Variants in SYN3 observed in about 807,000 individuals in gnomAD.
SYN3 encodes synapsin III, also known as synapsin-3.
SYN3 carries 35 observed loss-of-function variants against 65.8 expected under a neutral mutation model. The ratio of observed to expected loss-of-function variants is 0.53; its 90% CI spans 0.41 to 0.70. SYN3 has a LOEUF of 0.70. Ranked by LOEUF, SYN3 falls within the 30% of genes least tolerant of loss-of-function variation. The pLI, the probability that SYN3 is intolerant of heterozygous loss-of-function variation, is 0.00. For missense variants in SYN3, 680 were observed against 749.0 expected, an observed-to-expected ratio of 0.91 and a Z score of 1.08; for synonymous variants, 270 against 292.9, an observed-to-expected ratio of 0.92 and a Z score of 0.80.
chr22:32,551,587 A>T (rs2058416317), intron 7 of SYN3, among the ~76,000 whole-genome samples: 1 of 152,114 alleles, frequency 6.6e-6, no homozygotes, highest in Admixed American at 6.5e-5. Flanking sequence ...ATGTCATACT[A>T]ACCATGTGAA....
At chr22:33,028,627 T>G (rs2053679587) in intron 1 of SYN3, among the ~76,000 whole-genome samples, 1 of 103,390 alleles carries the variant, frequency 9.7e-6, no homozygotes, top group Non-Finnish European at 1.9e-5. Flanking sequence ...CACTAGGAAG[T>G]ATAATAAGAA....
At chr22:32,529,102 C>T (rs939250103) in intron 10 of SYN3, 94 bp from the exon 11 acceptor site, 13 of 1,493,550 alleles carry the variant, frequency 8.7e-6, no homozygotes, top group Non-Finnish European at 1.2e-5. Context: ...GGGCTCAGGA[C>T]AGAAGTGACC....
intron 5 of SYN3, among the ~76,000 whole-genome samples, chr22:32,865,256 A>G (rs1417538634): frequency 6.6e-6 from 1 of 152,172 alleles, no homozygotes; most frequent in Non-Finnish European, 1.5e-5. Context: ...CAGCCCAACC[A>G]TATTTAATGA....
intron 7 of SYN3, among the ~76,000 whole-genome samples, chr22:32,586,908 G>A (rs2059052636): frequency 1.3e-5 from 2 of 152,096 alleles, no homozygotes; most frequent in South Asian, 4.1e-4. Context: ...ATCCCCTCCC[G>A]AGGGCCCACT....
chr22:32,606,191 T>C (rs1323132686), intron 6 of SYN3, among the ~76,000 whole-genome samples: 1 of 152,152 alleles, frequency 6.6e-6, no homozygotes, highest in Non-Finnish European at 1.5e-5. Flanking sequence ...TGATCTGTTA[T>C]TCCTTGGAAG....
intron 1 of SYN3, among the ~76,000 whole-genome samples, chr22:33,011,518 C>T (rs894501942): frequency 6.6e-6 from 1 of 152,008 alleles, no homozygotes; most frequent in Non-Finnish European, 1.5e-5. Flanking sequence ...GACAAAAAAA[C>T]ATTGGTCTGT....
chr22:32,507,841 C>T lies in SYN3; in HGVS notation c.*5851G>A, dbSNP rs144343027. Among the ~76,000 whole-genome samples the T allele has an allele frequency of 0.055, 8,412 of 151,786 alleles. 816 individuals are homozygous for T. The highest frequency in any genetic ancestry group is 0.19 in the African/African-American group (7,962 of 41,126). ...ATCCAGGCCGTCACCAATCATTCTACACAACAAATGTTTCTTCTAACATCC... is the reference window on the plus strand; with the variant it reads ...ATCCAGGCCGTCACCAATCATTCTATACAACAAATGTTTCTTCTAACATCC... On this transcript the variant is annotated 3_prime_UTR_variant, in exon 14 of 14. Coordinates refer to ENST00000358763, the MANE Select transcript of SYN3 (RefSeq NM_003490.4).
chr22:32,771,686 A>G (rs768887495), intron 6 of SYN3, among the ~76,000 whole-genome samples: 9 of 152,174 alleles, frequency 5.9e-5, no homozygotes, highest in Admixed American at 5.9e-4. Context: ...CAAATACCCT[A>G]CAAAAGATGA....
intron 6 of SYN3, among the ~76,000 whole-genome samples, chr22:32,834,650 G>A (rs1364114374): frequency 6.6e-6 from 1 of 152,210 alleles, no homozygotes; most frequent in African/African-American, 2.4e-5. Flanking sequence ...GAGGACTCTA[G>A]TGTCCAGAAG....
chr22:32,660,551 G>T (rs2060203186), intron 6 of SYN3, among the ~76,000 whole-genome samples: 1 of 152,192 alleles, frequency 6.6e-6, no homozygotes, highest in Admixed American at 6.5e-5. Flanking sequence ...GGAAAGTTCT[G>T]GGGTTAAGGG....
intron 11 of SYN3, among the ~76,000 whole-genome samples, chr22:32,528,662 G>A (rs1385291146): frequency 2.6e-5 from 4 of 152,200 alleles, no homozygotes; most frequent in Admixed American, 6.5e-5. Flanking sequence ...TGGTGAAGAA[G>A]GGAAGGGGCC....
intron 6 of SYN3, among the ~76,000 whole-genome samples, chr22:32,740,588 T>C (rs537648197): frequency 8.5e-5 from 13 of 152,268 alleles, no homozygotes; most frequent in Admixed American, 3.3e-4. Context: ...AATACCAGAC[T>C]TGGGGGCAGA....
intron 3 of SYN3, among the ~76,000 whole-genome samples, chr22:32,965,690 C>T (rs7284959): frequency 3.3e-5 from 5 of 151,592 alleles, no homozygotes; most frequent in Non-Finnish European, 7.4e-5. Flanking sequence ...CTGGCTTTTT[C>T]GTTGTTGTTG....
In SYN3 at chr22:32,963,414, T is replaced by C. The variant is rs559001727; in HGVS notation, c.369+17231A>G. Among the ~76,000 whole-genome samples, 3 of 151,988 alleles carry C rather than the reference T, an allele frequency of 2.0e-5. No individual in the cohort carries two copies. In the South Asian group the frequency reaches 6.3e-4, roughly 32 times the overall value. ...AAATACTAAATTTAATGAAGGTGTT[T>C]AGGGGAAGGAAAACCTAGTTCTGAA... On this transcript the variant is annotated intron_variant, in intron 3 of 13. Transcript: ENST00000358763.
At position 32,513,571 on chromosome 22, in the gene SYN3, TA is replaced by T; in HGVS notation, c.*120del. ...AATCGGTTCCTGGGTCAAAGGCATT[TA>T]GAAAGTATGTTCTCAGGCCCTCCAT... On this transcript the variant is annotated 3_prime_UTR_variant, in exon 14 of 14. Coordinates refer to ENST00000358763, the MANE Select transcript of SYN3 (RefSeq NM_003490.4). 7.6e-7 allele frequency: 1 copy of T among 1,307,994 alleles called. No homozygotes were observed. Among genetic ancestry groups the T allele is most frequent in the South Asian group, 1.5e-5 (1 of 67,298 alleles). The allele number at this position is 1,307,994 out of a possible 1,614,324, so 81.0% of individuals were successfully genotyped here.
intron 6 of SYN3, among the ~76,000 whole-genome samples, chr22:32,739,353 ACTG>A (rs2061375109): frequency 6.8e-6 from 1 of 147,932 alleles, no homozygotes; most frequent in Non-Finnish European, 1.5e-5. Context: ...GCCACATGGA[ACTG>A]TGAGTCCATT....
At chr22:32,681,080 A>AGGAAT (rs912675395) in intron 6 of SYN3, among the ~76,000 whole-genome samples, 1 of 151,856 alleles carries the variant, frequency 6.6e-6, no homozygotes, top group African/African-American at 2.4e-5. Context: ...GGCAGGCTCA[A>AGGAAT]GGAATGGCAA....
At chr22:32,553,443 G>T (rs1231395747) in intron 7 of SYN3, among the ~76,000 whole-genome samples, 1 of 152,304 alleles carries the variant, frequency 6.6e-6, no homozygotes, top group Non-Finnish European at 1.5e-5. Flanking sequence ...AAGCCTCCTG[G>T]TGATAAGATT....
chr22:32,686,590 ATT>A (rs149862418), intron 6 of SYN3, among the ~76,000 whole-genome samples: 1,163 of 72,332 alleles, frequency 0.016, 17 homozygotes, highest in African/African-American at 0.067. Flanking sequence ...CTGCTCCTCC[ATT>A]TTTTTTTTTT....
Sources: gnomAD v4.1 joint callset for allele counts (sites outside exome capture counted in the v4.1 genomes callset) on GRCh38, gnomAD v4.1.1 for gene constraint, MANE v1.5 for transcripts, NCBI Gene and HGNC (gene_info 2026-07-23, HGNC 2026-07-21) for gene names.